Variants in SORCS3 observed in about 807,000 individuals in gnomAD.
SORCS3 encodes VPS10 domain-containing receptor SorCS3.
In SORCS3, 57 loss-of-function variants were observed where a neutral mutation model predicts 146.3. The observed-to-expected ratio is 0.39, with a 90% CI of 0.31 to 0.49. The LOEUF (loss-of-function observed/expected upper bound fraction) is 0.49, where lower values mean the gene tolerates loss of function less well. SORCS3 is among the 20% of genes least tolerant of loss of function. SORCS3 has a pLI of 0.92. For synonymous variants in SORCS3, 653 were observed against 618.5 expected, an observed-to-expected ratio of 1.06 and a Z score of -0.83; for missense variants, 1,341 against 1,575.5, an observed-to-expected ratio of 0.85 and a Z score of 2.52.
intron 4 of SORCS3, among the ~76,000 whole-genome samples, chr10:104,979,395 T>A (rs1201221017): frequency 1.3e-5 from 2 of 152,204 alleles, no homozygotes; most frequent in Non-Finnish European, 2.9e-5. Context: ...TATTATGTAA[T>A]AATGTTGTGG....
intron 2 of SORCS3, among the ~76,000 whole-genome samples, chr10:104,862,110 A>G (rs982380183): frequency 6.6e-6 from 1 of 152,224 alleles, no homozygotes; most frequent in African/African-American, 2.4e-5. Flanking sequence ...GAGTTCTTCA[A>G]CAGGTGAATT....
intron 14 of SORCS3, among the ~76,000 whole-genome samples, chr10:105,182,230 C>CTT (rs11340368): frequency 3.2e-3 from 225 of 70,416 alleles, no homozygotes; most frequent in East Asian, 7.8e-3. Flanking sequence ...TATTCAGCAT[C>CTT]TTTTTTTTTT....
chr10:104,732,399 T>C (rs932153651), intron 1 of SORCS3, among the ~76,000 whole-genome samples: 1 of 152,204 alleles, frequency 6.6e-6, no homozygotes, highest in Non-Finnish European at 1.5e-5. Context: ...TCCTAAACCG[T>C]AGTGCTTGCA....
intron 1 of SORCS3, among the ~76,000 whole-genome samples, chr10:104,733,791 G>A (rs1458284643): frequency 6.6e-6 from 1 of 152,010 alleles, no homozygotes; most frequent in African/African-American, 2.4e-5. Context: ...CTGTTTTGTG[G>A]TGGAGGAGAA....
chr10:105,052,895 G>C (rs939362224), intron 5 of SORCS3, among the ~76,000 whole-genome samples: 1 of 152,144 alleles, frequency 6.6e-6, no homozygotes, highest in African/African-American at 2.4e-5. Context: ...TTCTGCTCCA[G>C]TTTGGTCTGG....
At chr10:104,944,756 G>A (rs2019352689) in intron 3 of SORCS3, among the ~76,000 whole-genome samples, 1 of 152,190 alleles carries the variant, frequency 6.6e-6, no homozygotes, top group Non-Finnish European at 1.5e-5. Context: ...CTGAGAAGAT[G>A]TAACTTGTTA....
intron 8 of SORCS3, among the ~76,000 whole-genome samples, chr10:105,144,873 C>A (rs967336943): frequency 1.3e-5 from 2 of 152,050 alleles, no homozygotes; most frequent in African/African-American, 4.8e-5. Flanking sequence ...TTTTCTTTTT[C>A]TTGAAGACTG....
chr10:104,802,184 A>G (rs150913439), intron 1 of SORCS3, among the ~76,000 whole-genome samples: 75 of 152,314 alleles, frequency 4.9e-4, no homozygotes, highest in African/African-American at 1.5e-3. Flanking sequence ...GGTTTTGCAA[A>G]GATTCTGGCT....
chr10:105,201,039 C>A, intron 15 of SORCS3, 81 bp from the exon 16 acceptor site: 2 of 1,486,678 alleles, frequency 1.3e-6, no homozygotes, highest in African/African-American at 1.4e-5. Context: ...AATGAACAGG[C>A]TAATGCTTCT....
At chr10:105,067,511 A>G (rs1185561548) in intron 5 of SORCS3, among the ~76,000 whole-genome samples, 3 of 152,236 alleles carry the variant, frequency 2.0e-5, no homozygotes, top group East Asian at 1.9e-4. Context: ...TGGGCGACAG[A>G]CTGAGACTCC....
intron 4 of SORCS3, among the ~76,000 whole-genome samples, chr10:105,037,601 C>T (rs576826828): frequency 2.6e-5 from 4 of 152,102 alleles, no homozygotes; most frequent in Admixed American, 6.6e-5. Flanking sequence ...TGTGTCTTTA[C>T]GTAGGATTCC....
chr10:104,807,183 C>CTG lies in SORCS3; in HGVS notation c.628-35598_628-35597dup, dbSNP rs542577563. On this transcript the variant is annotated intron_variant, in intron 1 of 26. Coordinates refer to ENST00000369701, the MANE Select transcript of SORCS3 (RefSeq NM_014978.3). Reference sequence around the variant, plus strand: ...ATCTCTTCACTAAGCTCCTTGCTCTCTGTGTGTGTGTGCGCATGTGTGTGT... The same window carrying CTG: ...ATCTCTTCACTAAGCTCCTTGCTCTCTGTGTGTGTGTGTGCGCATGTGTGTGT... Among the ~76,000 whole-genome samples the CTG allele has an allele frequency of 9.9e-4, 149 of 150,796 alleles. 1 individual carries two copies. Among genetic ancestry groups the CTG allele is most frequent in the African/African-American group, 3.4e-3 (138 of 41,048 alleles).
At chr10:105,190,528 G>A (rs1406981635) in intron 14 of SORCS3, among the ~76,000 whole-genome samples, 4 of 152,126 alleles carry the variant, frequency 2.6e-5, no homozygotes, top group African/African-American at 9.7e-5. Context: ...CCTCCTGAGT[G>A]GCTGGGATTA....
At chr10:104,919,041 G>A (rs1157610947) in intron 3 of SORCS3, among the ~76,000 whole-genome samples, 1 of 152,166 alleles carries the variant, frequency 6.6e-6, no homozygotes, top group African/African-American at 2.4e-5. Flanking sequence ...GTTCTTAGAA[G>A]TGATAGAGAC....
chr10:104,851,632 G>T (rs1435917005), intron 2 of SORCS3, among the ~76,000 whole-genome samples: 1 of 152,150 alleles, frequency 6.6e-6, no homozygotes, highest in Non-Finnish European at 1.5e-5. Flanking sequence ...GTAAAACTGT[G>T]ATAGGTGGGC....
chr10:105,122,738 C>T (rs1464384188), intron 7 of SORCS3, among the ~76,000 whole-genome samples: 1 of 150,942 alleles, frequency 6.6e-6, no homozygotes, highest in Non-Finnish European at 1.5e-5. Context: ...CAGGACAGTG[C>T]TTCCCAGCGT....
chr10:105,122,893 T>C (rs1400655235), intron 7 of SORCS3, among the ~76,000 whole-genome samples: 1 of 152,158 alleles, frequency 6.6e-6, no homozygotes, highest in Non-Finnish European at 1.5e-5. Context: ...GACAGTGCAG[T>C]TGGATGGATG....
At chr10:105,245,294 A>G (rs552643745) in intron 20 of SORCS3, among the ~76,000 whole-genome samples, 1 of 152,284 alleles carries the variant, frequency 6.6e-6, no homozygotes, top group East Asian at 1.9e-4. Context: ...GCAGAATGAC[A>G]TGCAAAATCC....
At chr10:105,123,849 T>C (rs561321769) in intron 7 of SORCS3, among the ~76,000 whole-genome samples, 1 of 152,320 alleles carries the variant, frequency 6.6e-6, no homozygotes, top group Admixed American at 6.5e-5. Flanking sequence ...TTTGGAGATT[T>C]TGGAGATCAA....
Sources: allele counts gnomAD v4.1 joint callset (sites outside exome capture counted in the v4.1 genomes callset), GRCh38; gene constraint gnomAD v4.1.1; transcripts MANE v1.5; gene names NCBI Gene and HGNC (gene_info 2026-07-23, HGNC 2026-07-21).